PRKN: variants seen among roughly 807,000 people sequenced by gnomAD.
The protein encoded by PRKN is parkin RBR E3 ubiquitin protein ligase.
Under a neutral mutation model 59.5 loss-of-function variants are expected in PRKN, and 56 were observed. That is an observed-to-expected ratio of 0.94 (90% CI 0.76 to 1.18). The LOEUF is 1.18. PRKN is among the 50% of genes most tolerant of loss of function. PRKN has a pLI of 0.00. For missense variants in PRKN, 657 were observed against 596.4 expected, an observed-to-expected ratio of 1.10 and a Z score of -1.06; for synonymous variants, 250 against 222.1, an observed-to-expected ratio of 1.13 and a Z score of -1.12.
chr6:161,550,279 C>T lies in PRKN; in HGVS notation c.934-1276G>A, dbSNP rs1454802465. Among the ~76,000 whole-genome samples the T allele has an allele frequency of 1.3e-5, 2 of 152,146 alleles. No homozygotes were observed. The highest frequency in any genetic ancestry group is 3.8e-4 in the East Asian group (2 of 5,196). ...GTGAGGATCTAGAATATGTAGTTCC[C>T]TGACAGCTGCTTTCAGAACCCTGGG... On this transcript the variant is annotated intron_variant, in intron 8 of 11. Coordinates refer to ENST00000366898, the MANE Select transcript of PRKN (RefSeq NM_004562.3). This position sits in a 1 kb window ranked among gnomAD's most constrained non-coding sequence, Gnocchi z 4.0.
chr6:162,689,059 T>C (rs1383801574), intron 1 of PRKN, among the ~76,000 whole-genome samples: 2 of 152,174 alleles, frequency 1.3e-5, no homozygotes, highest in Admixed American at 6.6e-5. Flanking sequence ...AGTCACCTTT[T>C]CCCCCACTTC....
chr6:162,546,861 C>T (rs1280894709), intron 1 of PRKN, among the ~76,000 whole-genome samples: 2 of 152,136 alleles, frequency 1.3e-5, no homozygotes, highest in Admixed American at 1.3e-4. Context: ...ACCAAACAAC[C>T]AAGGCACTGA....
intron 1 of PRKN, chr6:162,624,502 A>G (rs1782806963): frequency 6.6e-6 from 1 of 152,268 alleles, no homozygotes; most frequent in Non-Finnish European, 1.5e-5. Context: ...TTCAAATAGA[A>G]ATCACATCGG....
At chr6:162,589,436 T>G (rs1781209796) in intron 1 of PRKN, among the ~76,000 whole-genome samples, 1 of 152,202 alleles carries the variant, frequency 6.6e-6, no homozygotes, top group Admixed American at 6.5e-5. Context: ...TTTTTCTTCC[T>G]CATTCACACT....
chr6:161,516,826 C>CAAAAAAAAAAAAAAAA (rs369136348), intron 9 of PRKN, among the ~76,000 whole-genome samples: 113 of 63,046 alleles, frequency 1.8e-3, no homozygotes, highest in East Asian at 5.1e-3. Context: ...GACTCAATCT[C>CAAAAAAAAAAAAAAAA]AAAAAAAAAA....
At chr6:162,219,070 C>T (rs1347910598) in intron 3 of PRKN, among the ~76,000 whole-genome samples, 1 of 152,090 alleles carries the variant, frequency 6.6e-6, no homozygotes, top group African/African-American at 2.4e-5. Context: ...TGCACCTGTA[C>T]TCCCAGCTAC....
intron 9 of PRKN, among the ~76,000 whole-genome samples, chr6:161,478,532 G>A (rs535447183): frequency 6.6e-6 from 1 of 151,566 alleles, no homozygotes; most frequent in African/African-American, 2.4e-5. Flanking sequence ...CTGTTATGTG[G>A]CTTCTTCAAA....
At chr6:162,276,861 G>A (rs1429866069) in intron 2 of PRKN, among the ~76,000 whole-genome samples, 2 of 152,048 alleles carry the variant, frequency 1.3e-5, no homozygotes, top group Non-Finnish European at 2.9e-5. Context: ...AACCTCACGT[G>A]TGGATAAATC....
chr6:162,130,977 C>T (rs1301422943), intron 4 of PRKN, among the ~76,000 whole-genome samples: 1 of 152,052 alleles, frequency 6.6e-6, no homozygotes, highest in Non-Finnish European at 1.5e-5. Flanking sequence ...CAGCTCAACC[C>T]TCCCTTTTGC....
intron 2 of PRKN, among the ~76,000 whole-genome samples, chr6:162,298,263 T>C (rs1781772759): frequency 6.6e-6 from 1 of 152,012 alleles, no homozygotes; most frequent in Non-Finnish European, 1.5e-5. Context: ...CGGTGGGGAC[T>C]GCAACCCTCT....
At chr6:162,419,891 T>G (rs561411769) in intron 2 of PRKN, among the ~76,000 whole-genome samples, 1 of 152,102 alleles carries the variant, frequency 6.6e-6, no homozygotes, top group East Asian at 1.9e-4. Flanking sequence ...GATTACTTAC[T>G]ATCCTCCCTC....
At position 161,444,325 on chromosome 6, in the gene PRKN, A is replaced by C. The variant is rs1324004926; in HGVS notation, c.1084-57448T>G. ...TTGAGATTCTCTTCCTTAAAGACACATTCTCTGATGAACAGAATGTGCTCT... is the reference window on the plus strand; with the variant it reads ...TTGAGATTCTCTTCCTTAAAGACACCTTCTCTGATGAACAGAATGTGCTCT... On this transcript the variant is annotated intron_variant, in intron 9 of 11. Transcript: ENST00000366898. The surrounding 1 kb of genome is among the most constrained non-coding windows in gnomAD (Gnocchi z 5.6). 6.6e-6 allele frequency among the ~76,000 whole-genome samples: 1 copy of C among 152,214 alleles called. No homozygotes were observed. The highest frequency in any genetic ancestry group is 2.4e-5 in the African/African-American group (1 of 41,462).
At position 161,475,534 on chromosome 6, in the gene PRKN, C is replaced by T. The variant is rs534742715; in HGVS notation, c.1083+73320G>A. On this transcript the variant is annotated intron_variant, in intron 9 of 11. Coordinates refer to ENST00000366898, the MANE Select transcript of PRKN (RefSeq NM_004562.3). The surrounding 1 kb of genome is among the most constrained non-coding windows in gnomAD (Gnocchi z 5.3). ...TACATATATTTTTGAGACGAGGTCTCGCTCTGTGGCCCAGGCTGGAGTGCC... is the reference window on the plus strand; with the variant it reads ...TACATATATTTTTGAGACGAGGTCTTGCTCTGTGGCCCAGGCTGGAGTGCC... Among the ~76,000 whole-genome samples, 5 of 152,294 alleles carry T rather than the reference C, an allele frequency of 3.3e-5. No individual in the cohort carries two copies. The highest frequency in any genetic ancestry group is 2.0e-4 in the Admixed American group (3 of 15,300).
At chr6:162,348,933 A>G (rs1194624833) in intron 2 of PRKN, among the ~76,000 whole-genome samples, 1 of 152,206 alleles carries the variant, frequency 6.6e-6, no homozygotes, top group Non-Finnish European at 1.5e-5. Context: ...TTACATCACT[A>G]CAGATTGTGC....
rs1414461304 is a variant in PRKN at position 161,419,164 on chromosome 6, G to A, written c.1084-32287C>T. Among the ~76,000 whole-genome samples, 4 of 152,166 alleles carry A rather than the reference G, an allele frequency of 2.6e-5. No individual in the cohort carries two copies. The highest frequency in any genetic ancestry group is 2.1e-4 in the South Asian group (1 of 4,830). ...AATGAAAATGGTGAGAATCCTTTAC[G>A]AGCTAACGTGCTACACAGAGTTTGA... On this transcript the variant is annotated intron_variant, in intron 9 of 11. Coordinates refer to ENST00000366898, the MANE Select transcript of PRKN (RefSeq NM_004562.3). This position sits in a 1 kb window ranked among gnomAD's most constrained non-coding sequence, Gnocchi z 4.1.
intron 6 of PRKN, among the ~76,000 whole-genome samples, chr6:161,815,821 T>C (rs1173217766): frequency 6.6e-6 from 1 of 152,142 alleles, no homozygotes; most frequent in Admixed American, 6.5e-5. Context: ...CAGAGAGAGC[T>C]GCACAGAGAA....
At chr6:161,687,203 A>G (rs1231495339) in intron 7 of PRKN, among the ~76,000 whole-genome samples, 1 of 151,702 alleles carries the variant, frequency 6.6e-6, no homozygotes, top group South Asian at 2.1e-4. Context: ...TCTGGCCAAC[A>G]TGGTGAAACT....
intron 2 of PRKN, among the ~76,000 whole-genome samples, chr6:162,376,451 A>T (rs1304652048): frequency 2.0e-5 from 3 of 151,768 alleles, no homozygotes; most frequent in Non-Finnish European, 2.9e-5. Context: ...CGCCGTGTAG[A>T]AAAGCTATAC....
chr6:162,124,536 G>C (rs1413145612), intron 4 of PRKN, among the ~76,000 whole-genome samples: 1 of 152,134 alleles, frequency 6.6e-6, no homozygotes, highest in African/African-American at 2.4e-5. Context: ...AATTGAAAAG[G>C]GAGAAAATCA....
Sources: allele counts gnomAD v4.1 joint callset (sites outside exome capture counted in the v4.1 genomes callset), GRCh38; gene constraint gnomAD v4.1.1; non-coding constraint Gnocchi (gnomAD v3.1); transcripts MANE v1.5; gene names NCBI Gene and HGNC (gene_info 2026-07-23, HGNC 2026-07-21).